Variants in NFAM1 observed in about 807,000 individuals in gnomAD.
NFAM1 encodes the protein NFAT activation molecule 1.
A neutral mutation model predicts 29.0 loss-of-function variants in NFAM1; 17 were observed. The observed-to-expected ratio is 0.59, with a 90% CI of 0.40 to 0.88. The LOEUF is 0.88. Ranked by LOEUF, NFAM1 falls within the 40% of genes least tolerant of loss-of-function variation. The probability of loss-of-function intolerance (pLI) is 0.00; values close to 1 mark genes in which losing one functional copy is unlikely to be tolerated. For synonymous variants in NFAM1, 175 were observed against 147.2 expected, an observed-to-expected ratio of 1.19 and a Z score of -1.36; for missense variants, 324 against 344.6, an observed-to-expected ratio of 0.94 and a Z score of 0.47.
chr22:42,431,079 CAAGT>C (rs1206489421), intron 1 of NFAM1, among the ~76,000 whole-genome samples: 1 of 152,200 alleles, frequency 6.6e-6, no homozygotes, highest in African/African-American at 2.4e-5. Context: ...ACATTCTTTA[CAAGT>C]AAGAGGATCC....
chr22:42,403,474 G>A (rs80287472), intron 3 of NFAM1, among the ~76,000 whole-genome samples: 7,997 of 152,212 alleles, frequency 0.053, 369 homozygotes, highest in African/African-American at 0.11. Flanking sequence ...TGCAACCTCC[G>A]CCTCTCGGCT....
At chr22:42,404,292 C>T (rs547569054) in intron 3 of NFAM1, among the ~76,000 whole-genome samples, 1 of 152,186 alleles carries the variant, frequency 6.6e-6, no homozygotes, top group East Asian at 1.9e-4. Flanking sequence ...TCGGGTCCAC[C>T]CTCTGCCACT....
At chr22:42,428,030 G>A (rs774090540) in intron 1 of NFAM1, among the ~76,000 whole-genome samples, 1 of 152,222 alleles carries the variant, frequency 6.6e-6, no homozygotes, top group Non-Finnish European at 1.5e-5. Flanking sequence ...GTTTTTGTGC[G>A]ATAGTTCACC....
At chr22:42,410,736 G>A (rs1266531278) in intron 2 of NFAM1, among the ~76,000 whole-genome samples, 1 of 151,472 alleles carries the variant, frequency 6.6e-6, no homozygotes, top group Non-Finnish European at 1.5e-5. Flanking sequence ...TGAGCCAAGT[G>A]CTCACATACA....
chr22:42,415,099 T>C (rs1428458425), intron 1 of NFAM1, among the ~76,000 whole-genome samples: 1 of 152,002 alleles, frequency 6.6e-6, no homozygotes, highest in Non-Finnish European at 1.5e-5. Flanking sequence ...ATGAAACTGC[T>C]GTGTCCAAAA....
chr22:42,435,836 T>TTA (rs1930926458), upstream of NFAM1, among the ~76,000 whole-genome samples: 1 of 147,218 alleles, frequency 6.8e-6, no homozygotes, highest in African/African-American at 2.6e-5. Context: ...TTTTTTTTTT[T>TTA]GAGACAGGCT....
the NFAM1 span, chr22:42,437,898 T>A: frequency 6.6e-6 from 1 of 152,442 alleles, no homozygotes; most frequent in African/African-American, 2.4e-5. Context: ...GGACCTCAGC[T>A]TGCCTCTTTA....
At chr22:42,422,399 A>G (rs962165293) in intron 1 of NFAM1, among the ~76,000 whole-genome samples, 1 of 151,752 alleles carries the variant, frequency 6.6e-6, no homozygotes, top group African/African-American at 2.4e-5. Context: ...TGAGGTCAGT[A>G]GTTCGAGACC....
chr22:42,414,368 C>T (rs1046722249), intron 1 of NFAM1, among the ~76,000 whole-genome samples: 1 of 151,994 alleles, frequency 6.6e-6, no homozygotes. Context: ...AAGAGCCTTG[C>T]TTCAGGGCAC....
In NFAM1 at chr22:42,411,535, T is replaced by A. The variant is rs1470948427; in HGVS notation, c.323A>T (p.Gln108Leu). 1 of 1,614,224 alleles carries A rather than the reference T, an allele frequency of 6.2e-7. No homozygotes were observed. The highest frequency in any genetic ancestry group is 1.1e-5 in the South Asian group (1 of 91,088). The change falls in exon 2 of 6, where the codon CAG (glutamine) becomes CTG (leucine). Residue 108 changes from glutamine (Q) to leucine (L), a missense_variant. By Grantham distance (113) the Gln-to-Leu change is moderately radical. Coordinates refer to ENST00000329021, the MANE Select transcript of NFAM1 (RefSeq NM_145912.8). ...NCHPGLGTEN[Q>L]SHTLDCQVTL... is the part of the protein sequence containing the mutation. ...GACCTGGCAGTCCAGGGTGTGGCTC[T>A]GGTTCTCTGTGCCCAGTCCAGGGTG...
intron 1 of NFAM1, among the ~76,000 whole-genome samples, chr22:42,424,153 T>C (rs6002734): frequency 0.025 from 3,723 of 150,740 alleles, 138 homozygotes; most frequent in African/African-American, 0.077. Flanking sequence ...CGGTGGCTCA[T>C]GCCTGTAATC....
intron 3 of NFAM1, among the ~76,000 whole-genome samples, chr22:42,404,529 C>T (rs1414846973): frequency 6.6e-6 from 1 of 152,132 alleles, no homozygotes; most frequent in Admixed American, 6.6e-5. Context: ...AGCCCAGGCT[C>T]TCACATCAGC....
intron 1 of NFAM1, among the ~76,000 whole-genome samples, chr22:42,430,787 C>T (rs75891489): frequency 0.011 from 1,597 of 152,094 alleles, 9 homozygotes; most frequent in Non-Finnish European, 0.016. Context: ...TCTTACTGCT[C>T]GGTTACCAGG....
intron 1 of NFAM1, among the ~76,000 whole-genome samples, chr22:42,426,749 A>G (rs368148774): frequency 6.6e-6 from 1 of 152,124 alleles, no homozygotes; most frequent in Non-Finnish European, 1.5e-5. Flanking sequence ...AGGTGGGGCC[A>G]GTGGCTGGGC....
chr22:42,385,310 G>T, intron 5 of NFAM1, 90 bp from the exon 6 acceptor site: 1 of 938,136 alleles, frequency 1.1e-6, no homozygotes, highest in Non-Finnish European at 1.8e-6. Flanking sequence ...TTTAGCCAGA[G>T]GGCAACAGAT....
intron 4 of NFAM1, among the ~76,000 whole-genome samples, chr22:42,391,862 T>A (rs921503818): frequency 6.7e-6 from 1 of 150,190 alleles, no homozygotes; most frequent in Non-Finnish European, 1.5e-5. Flanking sequence ...AGAGAATCAC[T>A]TGAACCTGGG....
At position 42,409,382 on chromosome 22, in the gene NFAM1, C is replaced by G; in HGVS notation, c.564+53G>C. On this transcript the variant is annotated intron_variant, in intron 3 of 5. Coordinates refer to ENST00000329021, the MANE Select transcript of NFAM1 (RefSeq NM_145912.8). The surrounding 1 kb of genome is among the most constrained non-coding windows in gnomAD (Gnocchi z 4.9). ...CGCCCTGCAGAGGGCAGGCGGGCAG[C>G]CGGTGGCGTGTCGGGTGGAGGGGCT... 1 of 1,012,814 alleles carries G rather than the reference C, an allele frequency of 9.9e-7. No homozygotes were observed. The highest frequency in any genetic ancestry group is 1.4e-6 in the Non-Finnish European group (1 of 706,968). 62.7% of individuals were successfully genotyped at this position (1,012,814 alleles called of 1,614,324 possible). A position where few individuals can be genotyped will look rare whatever the true frequency, so the allele number is the denominator to read the frequency against.
chr22:42,394,587 T>C (rs1288361378), intron 4 of NFAM1, among the ~76,000 whole-genome samples: 1 of 152,132 alleles, frequency 6.6e-6, no homozygotes, highest in Admixed American at 6.5e-5. Context: ...ATATCAAAAC[T>C]TGTGGGATGC....
chr22:42,422,076 C>A (rs113231033), intron 1 of NFAM1, among the ~76,000 whole-genome samples: 1 of 152,176 alleles, frequency 6.6e-6, no homozygotes, highest in African/African-American at 2.4e-5. Context: ...TGGAATGGCG[C>A]CATCGGACAG....
Sources: gnomAD v4.1 joint callset for allele counts (sites outside exome capture counted in the v4.1 genomes callset) on GRCh38, gnomAD v4.1.1 for gene constraint, Gnocchi (gnomAD v3.1) non-coding constraint, MANE v1.5 for transcripts, NCBI Gene and HGNC (gene_info 2026-07-23, HGNC 2026-07-21) for gene names.